The following FYTTD1 variants were observed in gnomAD, a reference collection of about 807,000 sequenced individuals.
FYTTD1 encodes the protein forty-two-three domain containing 1.
In FYTTD1, 22 loss-of-function variants were observed where a neutral mutation model predicts 40.9. That is an observed-to-expected ratio of 0.54 (90% confidence interval 0.38 to 0.77). FYTTD1 has a LOEUF of 0.77. FYTTD1 is among the 30% of genes least tolerant of loss of function. The pLI is 0.00. For synonymous variants in FYTTD1, 140 were observed against 137.9 expected (o/e 1.01, Z -0.10); for missense variants, 351 against 392.2 (o/e 0.90, Z 0.89).
rs1728940175 is a variant in FYTTD1, at chr3:197,749,908, G to A, written c.-64G>A. ...GGTGCGGCGGGCTGCGTGCGCGAGT[G>A]GGAGGTGGCAGGCCTGCGACTCCGG... On this transcript the variant is annotated 5_prime_UTR_variant, in exon 1 of 9. Transcript: ENST00000241502. The A allele has an allele frequency of 8.6e-6, 9 of 1,043,278 alleles. No homozygotes were observed. The highest frequency in any genetic ancestry group is 1.2e-5 in the Non-Finnish European group (9 of 743,174). The allele number at this position is 1,043,278 out of a possible 1,614,324, so 64.6% of individuals were successfully genotyped here. A position where few individuals can be genotyped will look rare whatever the true frequency, so the allele number is the denominator to read the frequency against.
Position 197,777,004 on chromosome 3 carries a change from A to G in FYTTD1, c.731+3A>G. On this transcript the variant is annotated splice_donor_region_variant and intron_variant, in intron 7 of 8. Transcript: ENST00000241502. ...CCTGGAGCAGTGCAATGCCCAGTGT[A>G]AGTTGTTTCTTTCTTTTTGCAAAAA... 6.3e-7 allele frequency: 1 copy of G among 1,591,826 alleles called. No individual in the cohort carries two copies. The highest frequency in any genetic ancestry group is 1.3e-5 in the African/African-American group (1 of 74,288).
chr3:197,760,426 T>C lies in FYTTD1; in HGVS notation c.235+3869T>C, dbSNP rs142715142. Among the ~76,000 whole-genome samples, 414 of 151,918 alleles carry C rather than the reference T, an allele frequency of 2.7e-3. 1 individual carries two copies. Among genetic ancestry groups the C allele is most frequent in the African/African-American group, 9.7e-3 (400 of 41,432 alleles). ...AGTGGTAGAATGTATAGAGTTGTTCTTCAGGGGTAGAATGTATGAGTTCTT... is the reference window on the plus strand; with the variant it reads ...AGTGGTAGAATGTATAGAGTTGTTCCTCAGGGGTAGAATGTATGAGTTCTT... On this transcript the variant is annotated intron_variant, in intron 2 of 8. Transcript: ENST00000241502.
intron 2 of FYTTD1, among the ~76,000 whole-genome samples, chr3:197,758,285 TGA>T (rs111372064): frequency 5.9e-5 from 9 of 152,012 alleles, no homozygotes; most frequent in African/African-American, 2.2e-4. Context: ...AAATAACTGT[TGA>T]GAGTTCATAG....
intron 4 of FYTTD1, among the ~76,000 whole-genome samples, chr3:197,772,376 G>C (rs1729745663): frequency 6.6e-6 from 1 of 152,136 alleles, no homozygotes; most frequent in African/African-American, 2.4e-5. Context: ...TTAGAGGATT[G>C]AATATTTCAT....
chr3:197,767,403 G>A (rs7622528), intron 2 of FYTTD1, among the ~76,000 whole-genome samples: 5,663 of 149,874 alleles, frequency 0.038, 378 homozygotes, highest in African/African-American at 0.13. Context: ...CTTCCAGAGT[G>A]CTGGGATTAC....
rs965697484 is a variant in FYTTD1 at position 197,784,405 on chromosome 3, A to G, written c.*2496A>G. The G allele has an allele frequency of 1.3e-5, 2 of 152,228 alleles. No individual in the cohort carries two copies. Among genetic ancestry groups the G allele is most frequent in the Non-Finnish European group, 2.9e-5 (2 of 68,038 alleles). The allele number at this position is 152,228 out of a possible 1,614,324, so 9.4% of individuals were successfully genotyped here. A position where few individuals can be genotyped will look rare whatever the true frequency, so the allele number is the denominator to read the frequency against. On this transcript the variant is annotated 3_prime_UTR_variant, in exon 9 of 9. Coordinates refer to ENST00000241502, the MANE Select transcript of FYTTD1 (RefSeq NM_032288.7). The stretch of plus-strand genomic sequence containing the variant: ...TGTAGTTTTTAGGGTGTGAAACCTT[A>G]TCTACTAGCAAAATTGGTAAATCAC...
At chr3:197,765,167 A>C (rs1310732414) in intron 2 of FYTTD1, among the ~76,000 whole-genome samples, 1 of 152,092 alleles carries the variant, frequency 6.6e-6, no homozygotes, top group Admixed American at 6.5e-5. Context: ...TTCATACTTA[A>C]GATCTTGTTT....
At chr3:197,759,354 CAG>C (rs1024942563) in intron 2 of FYTTD1, among the ~76,000 whole-genome samples, 8 of 150,850 alleles carry the variant, frequency 5.3e-5, no homozygotes, top group African/African-American at 9.7e-5. Context: ...AGTTGTTCCT[CAG>C]TGGTAGAATG....
chr3:197,763,758 A>G lies in FYTTD1; in HGVS notation c.236-4681A>G, dbSNP rs149671622. On this transcript the variant is annotated intron_variant, in intron 2 of 8. Transcript: ENST00000241502. ...GATTACATATACTGTAGAATGTGACATTTCCCAGAAAATCCCTCAAATCTT... is the reference window on the plus strand; with the variant it reads ...GATTACATATACTGTAGAATGTGACGTTTCCCAGAAAATCCCTCAAATCTT... 363 of 156,350 alleles carry G rather than the reference A, an allele frequency of 2.3e-3. 3 individuals are homozygous for G. The highest frequency in any genetic ancestry group is 6.3e-3 in the South Asian group (36 of 5,722). 9.7% of individuals were successfully genotyped at this position (156,350 alleles called of 1,614,324 possible). A position where few individuals can be genotyped will look rare whatever the true frequency, so the allele number is the denominator to read the frequency against.
intron 4 of FYTTD1, 44 bp downstream of exon 4, chr3:197,770,288 A>C (rs1184530891): frequency 8.4e-7 from 1 of 1,192,982 alleles, no homozygotes; most frequent in Admixed American, 2.0e-5. Flanking sequence ...CATTAAAAAC[A>C]CTTCCTGCAT....
chr3:197,756,990 A>G (rs546457372), intron 2 of FYTTD1, among the ~76,000 whole-genome samples: 3 of 152,336 alleles, frequency 2.0e-5, no homozygotes, highest in Admixed American at 1.3e-4. Flanking sequence ...GGATTAAAGC[A>G]TGCCTATCAC....
At chr3:197,751,675 A>G (rs1729059836) in intron 1 of FYTTD1, among the ~76,000 whole-genome samples, 1 of 141,098 alleles carries the variant, frequency 7.1e-6, no homozygotes, top group South Asian at 2.4e-4. Context: ...AAACCTTTTG[A>G]GGTAAGGCCA....
At chr3:197,764,625 T>C (rs62283414) in intron 2 of FYTTD1, among the ~76,000 whole-genome samples, 127,612 of 149,902 alleles carry the variant, frequency 0.85, 54,412 homozygotes, top group East Asian at 0.98. Context: ...AGGAGAATGG[T>C]GTGAACCCGG....
Position 197,750,794 on chromosome 3 carries a change from A to G in FYTTD1, c.103+720A>G, listed in dbSNP as rs1729003170. ...GAAAGCAAACATCTTTGAAGGAGAGATGATTGCTGTGGCTCGCTGAGAAGC... is the reference window on the plus strand; with the variant it reads ...GAAAGCAAACATCTTTGAAGGAGAGGTGATTGCTGTGGCTCGCTGAGAAGC... On this transcript the variant is annotated intron_variant, in intron 1 of 8. Transcript: ENST00000241502. 3 of 985,518 alleles carry G rather than the reference A, an allele frequency of 3.0e-6. No individual in the cohort carries two copies. The East Asian group carries it at 3.4e-4, about 112-fold the overall frequency. 61.0% of individuals were successfully genotyped at this position (985,518 alleles called of 1,614,324 possible).
chr3:197,772,486 A>G (rs1188747086), intron 4 of FYTTD1, among the ~76,000 whole-genome samples: 6 of 152,240 alleles, frequency 3.9e-5, no homozygotes, highest in African/African-American at 1.4e-4. Flanking sequence ...GTATAGCTAC[A>G]TAAGAAACTT....
chr3:197,759,844 G>GT (rs1204270491), intron 2 of FYTTD1, among the ~76,000 whole-genome samples: 1 of 150,092 alleles, frequency 6.7e-6, no homozygotes, highest in African/African-American at 2.5e-5. Context: ...AACGTATAGA[G>GT]TGTTCTTCAG....
Position 197,768,497 on chromosome 3 carries a change from T to G in FYTTD1, c.294T>G (p.Pro98=). ...GAGTAATGCCTGGAAAGAGACGTCCTAATGGAGTTATCACTGGCCTTGCAG... is the reference window on the plus strand; with the variant it reads ...GAGTAATGCCTGGAAAGAGACGTCCGAATGGAGTTATCACTGGCCTTGCAG... ...RGRVMPGKRR[P]NGVITGLAAR... Residue 98 remains proline, a synonymous_variant, in exon 3 of 9, where the codon CCT becomes CCG. Transcript: ENST00000241502. 1.2e-6 allele frequency: 2 copies of G among 1,612,992 alleles called. No individual in the cohort carries two copies. The highest frequency in any genetic ancestry group is 1.7e-6 in the Non-Finnish European group (2 of 1,179,048).
intron 2 of FYTTD1, among the ~76,000 whole-genome samples, chr3:197,761,090 T>G (rs553811978): frequency 6.6e-6 from 1 of 151,440 alleles, no homozygotes; most frequent in Admixed American, 6.6e-5. Context: ...ATGTATAGAG[T>G]TGTTCTTCAG....
chr3:197,772,677 C>T (rs901162264), intron 4 of FYTTD1, among the ~76,000 whole-genome samples: 2 of 152,184 alleles, frequency 1.3e-5, no homozygotes, highest in South Asian at 2.1e-4. Context: ...GGCGTGATCT[C>T]GGCCCACAGC....
Sources: gnomAD v4.1 joint callset for allele counts (sites outside exome capture counted in the v4.1 genomes callset) on GRCh38, gnomAD v4.1.1 for gene constraint, MANE v1.5 for transcripts, NCBI Gene and HGNC (gene_info 2026-07-23, HGNC 2026-07-21) for gene names.